The following TIGAR variants were observed in gnomAD, a reference collection of about 807,000 sequenced individuals.
TIGAR encodes TP53 induced glycolysis regulatory phosphatase.
TIGAR carries 7 observed loss-of-function variants against 17.9 expected under a neutral mutation model. That is an observed-to-expected ratio of 0.39 (90% CI 0.22 to 0.73). The LOEUF is 0.73. Among genes scored for constraint, TIGAR ranks in the 30% least tolerant of loss-of-function variants. TIGAR has a pLI of 0.42. For synonymous variants in TIGAR, 94 were observed against 108.6 expected, an observed-to-expected ratio of 0.87 and a Z score of 0.84; for missense variants, 258 against 327.4, an observed-to-expected ratio of 0.79 and a Z score of 1.64.
chr12:4,350,647 C>T (rs929179253), intron 4 of TIGAR, among the ~76,000 whole-genome samples: 2 of 151,852 alleles, frequency 1.3e-5, no homozygotes, highest in African/African-American at 4.8e-5. Flanking sequence ...TGTGGTGGCA[C>T]GCGCCTGTAG....
At position 4,321,944 on chromosome 12, in the gene TIGAR, A is replaced by G. The variant is rs1052532734; in HGVS notation, c.32+641A>G. On this transcript the variant is annotated intron_variant, in intron 1 of 5. Coordinates refer to ENST00000179259, the MANE Select transcript of TIGAR (RefSeq NM_020375.3). The surrounding 1 kb of genome is among the most constrained non-coding windows in gnomAD (Gnocchi z 5.2). Reference sequence around the variant, plus strand: ...CTGATAGGTCTTTATGTATTTGCCAAGTGTTAACGGGAGGTGAAAATCAGG... The same window carrying G: ...CTGATAGGTCTTTATGTATTTGCCAGGTGTTAACGGGAGGTGAAAATCAGG... Among the ~76,000 whole-genome samples, 10 of 152,202 alleles carry G rather than the reference A, an allele frequency of 6.6e-5. No individual in the cohort carries two copies. Among genetic ancestry groups the G allele is most frequent in the African/African-American group, 1.4e-4 (6 of 41,464 alleles).
intron 1 of TIGAR, among the ~76,000 whole-genome samples, chr12:4,328,455 G>A (rs1864569799): frequency 6.6e-6 from 1 of 152,078 alleles, no homozygotes; most frequent in East Asian, 1.9e-4. Context: ...GCCTCCCAAA[G>A]TGCTGGGATT....
At chr12:4,339,496 G>A (rs1864696642) in intron 3 of TIGAR, among the ~76,000 whole-genome samples, 1 of 152,146 alleles carries the variant, frequency 6.6e-6, no homozygotes, top group Non-Finnish European at 1.5e-5. Context: ...CAATCCTACT[G>A]AAACTATTCC....
chr12:4,339,229 A>G (rs528685940), intron 3 of TIGAR, among the ~76,000 whole-genome samples: 1 of 152,230 alleles, frequency 6.6e-6, no homozygotes, highest in South Asian at 2.1e-4. Flanking sequence ...ATTACAACCA[A>G]TATCTCAGAA....
In TIGAR at chr12:4,357,570, T is replaced by C. The variant is rs978069950; in HGVS notation, c.*4879T>C. On this transcript the variant is annotated 3_prime_UTR_variant, in exon 6 of 6. Transcript: ENST00000179259. ...GCTTTCAGATTGAAGTATGTGTCAG[T>C]TCCTTTGTGTCCAAACAAGATGGCT... Among the ~76,000 whole-genome samples, 1 of 152,226 alleles carries C rather than the reference T, an allele frequency of 6.6e-6. No homozygotes were observed. The highest frequency in any genetic ancestry group is 1.5e-5 in the Non-Finnish European group (1 of 68,034).
At chr12:4,324,501 G>C in intron 1 of TIGAR, 1 of 1,608,968 alleles carries the variant, frequency 6.2e-7, no homozygotes, top group Non-Finnish European at 8.5e-7. Flanking sequence ...TCTCCACCTG[G>C]TTGAAGGTCT....
At chr12:4,332,238 C>CTTTTCTTTTTTTT (rs1555092397) in intron 2 of TIGAR, among the ~76,000 whole-genome samples, 1 of 95,330 alleles carries the variant, frequency 1.0e-5, no homozygotes, top group African/African-American at 4.0e-5. Context: ...TCATGTATTT[C>CTTTTCTTTTTTTT]TTTTTTTTTT....
At position 4,340,090 on chromosome 12, in the gene TIGAR, ATAAC is replaced by A. The variant is rs202188909; in HGVS notation, c.192+2931_192+2934del. Among the ~76,000 whole-genome samples the A allele has an allele frequency of 7.5e-3, 1,149 of 152,338 alleles. 11 individuals are homozygous for A. The highest frequency in any genetic ancestry group is 0.025 in the African/African-American group (1,053 of 41,584). On this transcript the variant is annotated intron_variant, in intron 3 of 5. Transcript: ENST00000179259. ...TGGAGCAATCAGACAAGAGAAAGGAATAACATTTAAATCGGAAAGGAAGAAATCA... is the reference window on the plus strand; with the variant it reads ...TGGAGCAATCAGACAAGAGAAAGGAAATTTAAATCGGAAAGGAAGAAATCA...
At chr12:4,323,050 G>T (rs113032231) in intron 1 of TIGAR, among the ~76,000 whole-genome samples, 7 of 150,044 alleles carry the variant, frequency 4.7e-5, no homozygotes, top group African/African-American at 1.7e-4. Flanking sequence ...TGGATCCCTT[G>T]AGCACAGGAG....
intron 1 of TIGAR, among the ~76,000 whole-genome samples, chr12:4,326,594 A>G (rs1864549024): frequency 6.6e-6 from 1 of 152,212 alleles, no homozygotes; most frequent in Non-Finnish European, 1.5e-5. Flanking sequence ...CTGTTGATAT[A>G]TGGCTAAATG....
At chr12:4,348,941 A>G (rs1864809058) in intron 3 of TIGAR, among the ~76,000 whole-genome samples, 1 of 152,224 alleles carries the variant, frequency 6.6e-6, no homozygotes, top group Non-Finnish European at 1.5e-5. Context: ...ATATTTTTGT[A>G]TAGGTGAAAG....
At chr12:4,348,896 C>T (rs1251972250) in intron 3 of TIGAR, among the ~76,000 whole-genome samples, 3 of 152,094 alleles carry the variant, frequency 2.0e-5, no homozygotes, top group East Asian at 1.9e-4. Flanking sequence ...ATGACTTACC[C>T]GATGGAGTTA....
Position 4,358,205 on chromosome 12 carries a change from G to C in TIGAR, c.*5514G>C, listed in dbSNP as rs1041542017. Among the ~76,000 whole-genome samples, 6 of 151,288 alleles carry C rather than the reference G, an allele frequency of 4.0e-5. No homozygotes were observed. The highest frequency in any genetic ancestry group is 6.6e-5 in the Admixed American group (1 of 15,202). On this transcript the variant is annotated 3_prime_UTR_variant, in exon 6 of 6. Transcript: ENST00000179259. Reference sequence around the variant, plus strand: ...GGAGGCCAAGGTGGGTGGATTACCTGAGGTCAGGAGTTCAAGACCAGCCTG... The same window carrying C: ...GGAGGCCAAGGTGGGTGGATTACCTCAGGTCAGGAGTTCAAGACCAGCCTG...
At chr12:4,336,369 G>A (rs1458263678) in intron 2 of TIGAR, among the ~76,000 whole-genome samples, 1 of 151,446 alleles carries the variant, frequency 6.6e-6, no homozygotes. Flanking sequence ...GGTATTCACA[G>A]TTCAGCTCAG....
At chr12:4,349,713 G>A (rs1864817102) in intron 3 of TIGAR, 106 bp from the exon 4 acceptor site, 1 of 937,324 alleles carries the variant, frequency 1.1e-6, no homozygotes, top group Admixed American at 2.9e-5. Context: ...CACCGTGCCT[G>A]GTTCTAGTTC....
intron 3 of TIGAR, among the ~76,000 whole-genome samples, chr12:4,338,499 C>T (rs1864684381): frequency 1.3e-5 from 2 of 152,044 alleles, no homozygotes; most frequent in African/African-American, 2.4e-5. Flanking sequence ...ATTTGTGGGG[C>T]AGAGTAATGG....
At position 4,355,035 on chromosome 12, in the gene TIGAR, A is replaced by G. The variant is rs2120701530; in HGVS notation, c.*2344A>G. 6.6e-6 allele frequency among the ~76,000 whole-genome samples: 1 copy of G among 151,642 alleles called. No individual in the cohort carries two copies. Among genetic ancestry groups the G allele is most frequent in the East Asian group, 1.9e-4 (1 of 5,136 alleles). On this transcript the variant is annotated 3_prime_UTR_variant, in exon 6 of 6. Coordinates refer to ENST00000179259, the MANE Select transcript of TIGAR (RefSeq NM_020375.3). ...CATAAGCCACCGTGCCTGGCCTATG[A>G]TGCATTTTTTTAATATGTGTTCTTA... is the stretch of plus-strand genomic sequence containing the variant.
intron 1 of TIGAR, among the ~76,000 whole-genome samples, chr12:4,322,236 A>G (rs1864489392): frequency 6.6e-6 from 1 of 152,170 alleles, no homozygotes; most frequent in African/African-American, 2.4e-5. Context: ...ACCTTAAGTG[A>G]TCCGACTACC....
At chr12:4,326,651 G>A (rs1320439377) in intron 1 of TIGAR, among the ~76,000 whole-genome samples, 1 of 152,158 alleles carries the variant, frequency 6.6e-6, no homozygotes, top group Non-Finnish European at 1.5e-5. Context: ...ACTGAAAATC[G>A]TTAGATGGTG....
Sources: allele counts gnomAD v4.1 joint callset (sites outside exome capture counted in the v4.1 genomes callset), GRCh38; gene constraint gnomAD v4.1.1; non-coding constraint Gnocchi (gnomAD v3.1); transcripts MANE v1.5; gene names NCBI Gene and HGNC (gene_info 2026-07-23, HGNC 2026-07-21).